Variants in RPH3A observed in about 807,000 individuals in gnomAD.
RPH3A encodes rabphilin 3A.
A neutral mutation model predicts 102.2 loss-of-function variants in RPH3A; 48 were observed. That is an observed-to-expected ratio of 0.47 (90% CI 0.37 to 0.60). The LOEUF is 0.60. Among genes scored for constraint, RPH3A ranks in the 20% least tolerant of loss-of-function variants. RPH3A has a pLI of 0.00. For missense variants in RPH3A, 781 were observed against 910.1 expected (o/e 0.86, Z 1.83); for synonymous variants, 310 against 324.3 (o/e 0.96, Z 0.47).
intron 1 of RPH3A, among the ~76,000 whole-genome samples, chr12:112,622,228 G>C (rs1472428876): frequency 1.1e-5 from 1 of 87,110 alleles, no homozygotes; most frequent in Non-Finnish European, 1.9e-5. Flanking sequence ...GACGAGCTGA[G>C]AGAAGAAGGC....
chr12:112,722,596 G>C (rs1002466357), intron 1 of RPH3A, among the ~76,000 whole-genome samples: 3 of 152,242 alleles, frequency 2.0e-5, no homozygotes, highest in Admixed American at 2.0e-4. Context: ...TGAAATGTAA[G>C]TAGAAGTATT....
Position 112,791,867 on chromosome 12 carries a change from G to GGGGAGAGAGAGAGAGAGAGAGAGAGAGA in RPH3A, c.-284_-283insGGAGAGAGAGAGAGAGAGAGAGAGAGAG, listed in dbSNP as rs1555209147. The stretch of plus-strand genomic sequence containing the variant: ...CGCGGACTGGAAAGGAAGGGAGAAG[G>GGGGAGAGAGAGAGAGAGAGAGAGAGAGA]GAGAGAGAGAGAGAGAGAGAGAGAG... On this transcript the variant is annotated 5_prime_UTR_variant, in exon 1 of 22. Transcript: ENST00000389385. 1.1e-3 allele frequency: 52 copies of GGGGAGAGAGAGAGAGAGAGAGAGAGAGA among 48,510 alleles called. 3 individuals are homozygous for GGGGAGAGAGAGAGAGAGAGAGAGAGAGA. The highest frequency in any genetic ancestry group is 4.6e-3 in the African/African-American group (48 of 10,430). 3.0% of individuals were successfully genotyped at this position (48,510 alleles called of 1,614,324 possible).
intron 1 of RPH3A, among the ~76,000 whole-genome samples, chr12:112,722,161 C>T (rs1384173196): frequency 6.6e-6 from 1 of 152,218 alleles, no homozygotes; most frequent in Non-Finnish European, 1.5e-5. Flanking sequence ...AGAGCTTTTG[C>T]TCATTAGGCT....
chr12:112,588,499 A>G (rs892572320), intron 1 of RPH3A, among the ~76,000 whole-genome samples: 5 of 152,216 alleles, frequency 3.3e-5, no homozygotes, highest in South Asian at 4.1e-4. Flanking sequence ...CCATGATTCA[A>G]TTATCTCCCA....
rs149096508 is a variant in RPH3A, at chr12:112,649,199, G to A, written c.-140+73880G>A. The stretch of plus-strand genomic sequence containing the variant: ...CAGATCTCTTGGTAGACTTCAGATA[G>A]TGCTACATTCCATTTTATTACCTTT... On this transcript the variant is annotated intron_variant, in intron 1 of 21. Transcript: ENST00000543106. Among the ~76,000 whole-genome samples the A allele has an allele frequency of 4.9e-4, 75 of 152,356 alleles. 1 individual carries two copies. The highest frequency in any genetic ancestry group is 1.7e-3 in the African/African-American group (69 of 41,590).
chr12:112,798,325 AG>A (rs145556563), intron 2 of RPH3A, among the ~76,000 whole-genome samples: 1 of 152,102 alleles, frequency 6.6e-6, no homozygotes, highest in African/African-American at 2.4e-5. Context: ...TTAGAGAGCG[AG>A]GGGGGGAAAT....
At chr12:112,822,471 A>G (rs976575833) in intron 2 of RPH3A, among the ~76,000 whole-genome samples, 2 of 152,118 alleles carry the variant, frequency 1.3e-5, no homozygotes, top group African/African-American at 2.4e-5. Flanking sequence ...AAAACCCTGG[A>G]GATTTTGGGG....
At chr12:112,716,519 C>T (rs1460808914) in intron 1 of RPH3A, among the ~76,000 whole-genome samples, 1 of 152,218 alleles carries the variant, frequency 6.6e-6, no homozygotes, top group Non-Finnish European at 1.5e-5. Context: ...GCTATCTTCA[C>T]GTATCGCTTC....
chr12:112,701,112 T>C lies in RPH3A; in HGVS notation c.-139-91031T>C, dbSNP rs181952725. Among the ~76,000 whole-genome samples the C allele has an allele frequency of 3.8e-3, 578 of 152,354 alleles. 2 individuals carry two copies. Among genetic ancestry groups the C allele is most frequent in the Non-Finnish European group, 6.3e-3 (426 of 68,038 alleles). On this transcript the variant is annotated intron_variant, in intron 1 of 21. Transcript: ENST00000543106. ...ATCATTCATTCAGTCTCTCAAGCTA[T>C]GCACTGGGATACAAACTTTTCTTTA...
intron 1 of RPH3A, among the ~76,000 whole-genome samples, chr12:112,668,133 A>G (rs945669314): frequency 2.0e-5 from 3 of 152,152 alleles, no homozygotes; most frequent in African/African-American, 7.2e-5. Context: ...TAATTGATCT[A>G]TCTCTTCATG....
intron 1 of RPH3A, among the ~76,000 whole-genome samples, chr12:112,701,378 CTTA>C (rs1202116236): frequency 6.6e-6 from 1 of 152,110 alleles, no homozygotes; most frequent in Non-Finnish European, 1.5e-5. Context: ...AGATGTAATG[CTTA>C]TTATCTTTTA....
At chr12:112,663,750 G>C (rs1469937620) in intron 1 of RPH3A, among the ~76,000 whole-genome samples, 1 of 152,100 alleles carries the variant, frequency 6.6e-6, no homozygotes, top group African/African-American at 2.4e-5. Context: ...TACACCCCCA[G>C]CATGTTGGCC....
intron 10 of RPH3A, chr12:112,874,821 G>A (rs1392059054): frequency 1.1e-5 from 5 of 449,034 alleles, no homozygotes; most frequent in African/African-American, 9.9e-5. Flanking sequence ...CAGGTCACTT[G>A]AGCAACGTCA....
chr12:112,798,434 C>G (rs1026339649), intron 2 of RPH3A, among the ~76,000 whole-genome samples: 1 of 152,104 alleles, frequency 6.6e-6, no homozygotes, highest in East Asian at 1.9e-4. Flanking sequence ...TTTTAATGCA[C>G]CTACACAATG....
At chr12:112,758,399 G>A (rs1315203557) in intron 1 of RPH3A, among the ~76,000 whole-genome samples, 1 of 152,196 alleles carries the variant, frequency 6.6e-6, no homozygotes, top group Non-Finnish European at 1.5e-5. Flanking sequence ...AAGACAGAAA[G>A]TAAACTCATT....
At chr12:112,625,099 C>T (rs2039761439) in intron 1 of RPH3A, among the ~76,000 whole-genome samples, 1 of 114,484 alleles carries the variant, frequency 8.7e-6, no homozygotes, top group African/African-American at 3.6e-5. Flanking sequence ...CAGCCAATAT[C>T]ATACTGAATG....
At chr12:112,872,590 T>A (rs775333199) in intron 10 of RPH3A, among the ~76,000 whole-genome samples, 3 of 152,192 alleles carry the variant, frequency 2.0e-5, no homozygotes, top group Non-Finnish European at 2.9e-5. Flanking sequence ...TTCTTGCCTA[T>A]GTTTTTAGTG....
chr12:112,815,680 A>G (rs1156762121), intron 2 of RPH3A, among the ~76,000 whole-genome samples: 1 of 152,192 alleles, frequency 6.6e-6, no homozygotes, highest in African/African-American at 2.4e-5. Context: ...AATCAGAATG[A>G]ATTTCACTGC....
intron 1 of RPH3A, among the ~76,000 whole-genome samples, chr12:112,686,542 C>G (rs1383891529): frequency 6.6e-6 from 1 of 152,208 alleles, no homozygotes; most frequent in Non-Finnish European, 1.5e-5. Flanking sequence ...ATGAATCAGC[C>G]TGGGCTAGCC....
Sources: allele counts gnomAD v4.1 joint callset (sites outside exome capture counted in the v4.1 genomes callset), GRCh38; gene constraint gnomAD v4.1.1; transcripts MANE v1.5; gene names NCBI Gene and HGNC (gene_info 2026-07-23, HGNC 2026-07-21).